NR6A1: variants seen among roughly 807,000 people sequenced by gnomAD.
NR6A1 encodes retinoic acid receptor-related testis-associated receptor.
In NR6A1, 7 loss-of-function variants were observed where a neutral mutation model predicts 59.1. That is an observed-to-expected ratio of 0.12 (90% CI 0.07 to 0.22). NR6A1 has a LOEUF of 0.22. Among genes scored for constraint, NR6A1 ranks in the 10% least tolerant of loss-of-function variants. The pLI is 1.00. For missense variants in NR6A1, 468 were observed against 611.6 expected, an observed-to-expected ratio of 0.77 and a Z score of 2.48; for synonymous variants, 243 against 236.1, an observed-to-expected ratio of 1.03 and a Z score of -0.27.
intron 2 of NR6A1, among the ~76,000 whole-genome samples, chr9:124,559,156 A>G (rs1834010304): frequency 6.6e-6 from 1 of 152,128 alleles, no homozygotes; most frequent in South Asian, 2.1e-4. Flanking sequence ...TTATTCCTAT[A>G]TTACTGAATC....
chr9:124,605,085 C>A (rs1835542914), intron 2 of NR6A1, among the ~76,000 whole-genome samples: 1 of 152,186 alleles, frequency 6.6e-6, no homozygotes, highest in Non-Finnish European at 1.5e-5. Flanking sequence ...GAACTCAACA[C>A]CCCCATGAAG....
At chr9:124,714,196 CAT>C (rs1839355364) in intron 2 of NR6A1, among the ~76,000 whole-genome samples, 1 of 152,228 alleles carries the variant, frequency 6.6e-6, no homozygotes, top group South Asian at 2.1e-4. Context: ...TAGACAAATT[CAT>C]AGAGACAAAA....
At chr9:124,568,870 T>C (rs1434846484) in intron 2 of NR6A1, among the ~76,000 whole-genome samples, 3 of 151,786 alleles carry the variant, frequency 2.0e-5, no homozygotes, top group Non-Finnish European at 4.4e-5. Flanking sequence ...TCCCAGCACT[T>C]TGGGAGGCCG....
chr9:124,679,854 A>G (rs1185166141), intron 2 of NR6A1, among the ~76,000 whole-genome samples: 1 of 151,366 alleles, frequency 6.6e-6, no homozygotes, highest in African/African-American at 2.4e-5. Flanking sequence ...CCAAGCTCAT[A>G]CCACTGCACT....
chr9:124,755,860 T>G lies in NR6A1; in HGVS notation c.100+15160A>C, dbSNP rs529064709. ...TAAACTGTTACTTTTAAAAAAGTGTTAAATATTTGTTCTGATTCCCCACTG... is the reference window on the plus strand; with the variant it reads ...TAAACTGTTACTTTTAAAAAAGTGTGAAATATTTGTTCTGATTCCCCACTG... On this transcript the variant is annotated intron_variant, in intron 1 of 9. Transcript: ENST00000487099. Among the ~76,000 whole-genome samples the G allele has an allele frequency of 1.2e-4, 19 of 152,346 alleles. No individual in the cohort carries two copies. The South Asian group carries it at 3.7e-3, about 30-fold the overall frequency.
intron 2 of NR6A1, among the ~76,000 whole-genome samples, chr9:124,603,773 GA>G (rs879941822): frequency 6.6e-4 from 100 of 151,854 alleles, no homozygotes; most frequent in Admixed American, 4.3e-3. Flanking sequence ...AGGAAAGGGG[GA>G]AAAAAAACCT....
At chr9:124,719,589 A>G (rs900193145) in intron 2 of NR6A1, among the ~76,000 whole-genome samples, 2 of 152,178 alleles carry the variant, frequency 1.3e-5, no homozygotes, top group Non-Finnish European at 2.9e-5. Context: ...GAGGCCACCA[A>G]GGTTCTGTGA....
chr9:124,695,177 G>A (rs1838706042), intron 2 of NR6A1, among the ~76,000 whole-genome samples: 1 of 152,172 alleles, frequency 6.6e-6, no homozygotes, highest in African/African-American at 2.4e-5. Context: ...TCTGCTGAGT[G>A]CAGACAGGTA....
intron 2 of NR6A1, among the ~76,000 whole-genome samples, chr9:124,636,355 C>G (rs1030776710): frequency 6.6e-6 from 1 of 152,038 alleles, no homozygotes; most frequent in African/African-American, 2.4e-5. Context: ...TTCCCCCAGT[C>G]TGTGGCTTGT....
chr9:124,581,281 GC>G (rs1354768554), intron 2 of NR6A1, among the ~76,000 whole-genome samples: 3 of 152,130 alleles, frequency 2.0e-5, no homozygotes, highest in Non-Finnish European at 2.9e-5. Context: ...AAACTAAAGA[GC>G]TTCTGCACAG....
At chr9:124,657,626 A>G (rs527991369) in intron 2 of NR6A1, among the ~76,000 whole-genome samples, 3 of 152,342 alleles carry the variant, frequency 2.0e-5, no homozygotes, top group South Asian at 2.1e-4. Flanking sequence ...GCTCAGAAAG[A>G]TGGAAAATAA....
At chr9:124,728,893 T>G (rs1004115575) in intron 2 of NR6A1, among the ~76,000 whole-genome samples, 7 of 152,200 alleles carry the variant, frequency 4.6e-5, no homozygotes, top group African/African-American at 1.7e-4. Flanking sequence ...TTCTTATACT[T>G]ACTCCACTTG....
chr9:124,535,514 G>A (rs1833233612), intron 7 of NR6A1, among the ~76,000 whole-genome samples: 1 of 151,958 alleles, frequency 6.6e-6, no homozygotes, highest in African/African-American at 2.4e-5. Flanking sequence ...GGAGGCAAGA[G>A]TTGCAGTGAG....
chr9:124,535,809 C>A (rs1833244903), intron 7 of NR6A1, 69 bp downstream of exon 7: 2 of 1,576,572 alleles, frequency 1.3e-6, no homozygotes, highest in East Asian at 2.2e-5. Context: ...AAGGGCCAGG[C>A]AACTCTGCCT....
intron 4 of NR6A1, among the ~76,000 whole-genome samples, chr9:124,542,106 G>A (rs921065085): frequency 6.6e-6 from 1 of 152,194 alleles, no homozygotes. Context: ...ATCAGAGTGT[G>A]TATATAGTTA....
chr9:124,567,814 T>C (rs985825151), intron 2 of NR6A1, among the ~76,000 whole-genome samples: 6 of 150,400 alleles, frequency 4.0e-5, no homozygotes, highest in Admixed American at 6.6e-5. Context: ...TTCAAGCAGA[T>C]GCTTTTTAAA....
chr9:124,608,212 C>A lies in NR6A1; in HGVS notation c.143-53642G>T, dbSNP rs116903937. 3.3e-4 allele frequency among the ~76,000 whole-genome samples: 50 copies of A among 152,190 alleles called. 2 individuals carry two copies. In the East Asian group the frequency reaches 8.5e-3, roughly 26 times the overall value. Reference sequence around the variant, plus strand: ...GGTTTGTTACACAGGTAAATGTGTGCCATGGTGATTTGCTGCATGTATCAA... The same window carrying A: ...GGTTTGTTACACAGGTAAATGTGTGACATGGTGATTTGCTGCATGTATCAA... On this transcript the variant is annotated intron_variant, in intron 2 of 9. Coordinates refer to ENST00000487099, the MANE Select transcript of NR6A1 (RefSeq NM_033334.4).
intron 2 of NR6A1, among the ~76,000 whole-genome samples, chr9:124,617,335 G>A (rs779201368): frequency 6.6e-6 from 1 of 152,164 alleles, no homozygotes; most frequent in Non-Finnish European, 1.5e-5. Context: ...ATTCTGCCTG[G>A]TTTTTGTTTT....
At chr9:124,703,068 C>A (rs140133866) in intron 2 of NR6A1, among the ~76,000 whole-genome samples, 3 of 151,994 alleles carry the variant, frequency 2.0e-5, no homozygotes, top group Non-Finnish European at 4.4e-5. Flanking sequence ...ACATGCCCAA[C>A]TAATTTTTGT....
Sources: gnomAD v4.1 joint callset for allele counts (sites outside exome capture counted in the v4.1 genomes callset) on GRCh38, gnomAD v4.1.1 for gene constraint, MANE v1.5 for transcripts, NCBI Gene and HGNC (gene_info 2026-07-23, HGNC 2026-07-21) for gene names.